The following PRKN variants were observed in gnomAD, a reference collection of about 807,000 sequenced individuals.
PRKN encodes E3 ubiquitin-protein ligase parkin.
A neutral mutation model predicts 59.5 loss-of-function variants in PRKN; 56 were observed. The observed-to-expected ratio is 0.94, with a 90% CI of 0.76 to 1.18. The LOEUF is 1.18. Among genes scored for constraint, PRKN ranks in the 50% most tolerant of loss-of-function variants. PRKN has a pLI of 0.00. For missense variants in PRKN, 657 were observed against 596.4 expected (o/e 1.10, Z -1.06); for synonymous variants, 250 against 222.1 (o/e 1.13, Z -1.12).
intron 6 of PRKN, among the ~76,000 whole-genome samples, chr6:161,967,777 T>A (rs1309100495): frequency 1.3e-5 from 2 of 152,178 alleles, no homozygotes; most frequent in Non-Finnish European, 2.9e-5. Context: ...CTCAGGAGAT[T>A]TAGCATTTAT....
chr6:162,356,028 A>G (rs1784842159), intron 2 of PRKN, among the ~76,000 whole-genome samples: 1 of 152,166 alleles, frequency 6.6e-6, no homozygotes, highest in Non-Finnish European at 1.5e-5. Context: ...GTCCTCCAGT[A>G]TACAGGGCTA....
At chr6:162,128,545 T>C (rs1192633509) in intron 4 of PRKN, among the ~76,000 whole-genome samples, 1 of 152,200 alleles carries the variant, frequency 6.6e-6, no homozygotes, top group Non-Finnish European at 1.5e-5. Context: ...CACCTTACTA[T>C]AGGAGAGAAA....
chr6:162,100,247 A>G (rs778113931), intron 4 of PRKN, among the ~76,000 whole-genome samples: 1 of 152,162 alleles, frequency 6.6e-6, no homozygotes, highest in Non-Finnish European at 1.5e-5. Flanking sequence ...ATGGGAGTGC[A>G]GACATCCCTT....
At chr6:162,676,992 C>T (rs371900554) in intron 1 of PRKN, among the ~76,000 whole-genome samples, 1 of 146,020 alleles carries the variant, frequency 6.8e-6, no homozygotes, top group East Asian at 2.0e-4. Flanking sequence ...ACCCGGGAGG[C>T]AGAGGTAGCA....
chr6:162,472,404 T>C (rs907030618), intron 1 of PRKN, among the ~76,000 whole-genome samples: 1 of 139,344 alleles, frequency 7.2e-6, no homozygotes, highest in African/African-American at 2.7e-5. Context: ...TGTCCAAGTG[T>C]TCTCATTGTT....
chr6:162,182,178 G>A (rs1457132561), intron 4 of PRKN, among the ~76,000 whole-genome samples: 1 of 152,082 alleles, frequency 6.6e-6, no homozygotes, highest in Non-Finnish European at 1.5e-5. Context: ...CTGTATTACT[G>A]CTGTACTAGT....
intron 4 of PRKN, among the ~76,000 whole-genome samples, chr6:162,150,533 G>A (rs997222407): frequency 6.6e-6 from 1 of 152,150 alleles, no homozygotes; most frequent in Non-Finnish European, 1.5e-5. Flanking sequence ...TGAAAAAGAC[G>A]CACTCCAGAA....
chr6:161,794,822 T>G (rs1456657267), intron 6 of PRKN, among the ~76,000 whole-genome samples: 2 of 152,248 alleles, frequency 1.3e-5, no homozygotes, highest in Non-Finnish European at 2.9e-5. Context: ...ATAACATCGA[T>G]GTGCTATTCA....
At chr6:162,038,412 A>G (rs906244370) in intron 5 of PRKN, among the ~76,000 whole-genome samples, 20 of 152,186 alleles carry the variant, frequency 1.3e-4, no homozygotes, top group Non-Finnish European at 2.4e-4. Flanking sequence ...TTGATCCCTT[A>G]CAATGACAGG....
chr6:161,757,309 G>A (rs113343854), intron 7 of PRKN, among the ~76,000 whole-genome samples: 2,989 of 152,166 alleles, frequency 0.02, 68 homozygotes, highest in South Asian at 0.071. Flanking sequence ...CACACACAGA[G>A]AGAAAACATT....
At chr6:161,897,590 T>C (rs1777679961) in intron 6 of PRKN, among the ~76,000 whole-genome samples, 1 of 152,186 alleles carries the variant, frequency 6.6e-6, no homozygotes, top group African/African-American at 2.4e-5. Flanking sequence ...TATACAGCAA[T>C]TGTTTAAAAA....
At chr6:162,337,488 C>T (rs913660952) in intron 2 of PRKN, among the ~76,000 whole-genome samples, 9 of 152,134 alleles carry the variant, frequency 5.9e-5, no homozygotes, top group Admixed American at 2.6e-4. Flanking sequence ...TACATTAGCA[C>T]GTAATAGATA....
rs1786187012 is a variant in PRKN at position 161,385,230 on chromosome 6, G to A, written c.1167+1564C>T. ...GGCATAAGCCACCTCGCCCGGCCGG[G>A]AAATATACTTTTCAATGCATTTTTC... On this transcript the variant is annotated intron_variant, in intron 10 of 11. Transcript: ENST00000366898. This position sits in a 1 kb window ranked among gnomAD's most constrained non-coding sequence, Gnocchi z 4.9. Among the ~76,000 whole-genome samples, 2 of 152,084 alleles carry A rather than the reference G, an allele frequency of 1.3e-5. No homozygotes were observed. The highest frequency in any genetic ancestry group is 2.9e-5 in the Non-Finnish European group (2 of 68,014).
chr6:161,944,513 C>G (rs1033517293), intron 6 of PRKN, among the ~76,000 whole-genome samples: 1 of 152,112 alleles, frequency 6.6e-6, no homozygotes, highest in African/African-American at 2.4e-5. Context: ...GGCTCCAAAT[C>G]CCTTCTCTGT....
intron 9 of PRKN, among the ~76,000 whole-genome samples, chr6:161,537,743 G>T (rs774070382): frequency 6.6e-6 from 1 of 152,144 alleles, no homozygotes; most frequent in Non-Finnish European, 1.5e-5. Flanking sequence ...GAGCCACTGC[G>T]CCCGGCCTCA....
intron 7 of PRKN, among the ~76,000 whole-genome samples, chr6:161,719,270 G>A (rs536501816): frequency 2.0e-5 from 3 of 151,460 alleles, no homozygotes; most frequent in Admixed American, 2.0e-4. Flanking sequence ...AGTTGCAGGA[G>A]AAATAAAGAA....
chr6:161,934,609 C>T (rs577843448), intron 6 of PRKN, among the ~76,000 whole-genome samples: 30 of 152,206 alleles, frequency 2.0e-4, no homozygotes, highest in African/African-American at 6.7e-4. Flanking sequence ...CTTTATTATG[C>T]CCTTGATTAT....
At chr6:162,558,986 T>C (rs1779726216) in intron 1 of PRKN, among the ~76,000 whole-genome samples, 2 of 151,798 alleles carry the variant, frequency 1.3e-5, no homozygotes, top group African/African-American at 4.8e-5. Flanking sequence ...TCTTCTCTAC[T>C]AAAAAATACA....
intron 1 of PRKN, among the ~76,000 whole-genome samples, chr6:162,554,511 T>C (rs995040295): frequency 6.7e-6 from 1 of 148,326 alleles, no homozygotes; most frequent in African/African-American, 2.5e-5. Context: ...TCTAAATAAA[T>C]AAATAAAAAA....
Sources: gnomAD v4.1 joint callset for allele counts (sites outside exome capture counted in the v4.1 genomes callset) on GRCh38, gnomAD v4.1.1 for gene constraint, Gnocchi (gnomAD v3.1) non-coding constraint, MANE v1.5 for transcripts, NCBI Gene and HGNC (gene_info 2026-07-23, HGNC 2026-07-21) for gene names.